PTP4A1: variants seen among roughly 807,000 people sequenced by gnomAD.
PTP4A1 encodes the protein protein tyrosine phosphatase type IVA 1.
In PTP4A1, 9 loss-of-function variants were observed where a neutral mutation model predicts 20.5. The observed-to-expected ratio is 0.44, with a 90% CI of 0.26 to 0.77. The LOEUF is 0.77. Ranked by LOEUF, PTP4A1 falls within the 30% of genes least tolerant of loss-of-function variation. The pLI is 0.19. For synonymous variants in PTP4A1, 78 were observed against 67.4 expected (o/e 1.16, Z -0.77); for missense variants, 137 against 218.8 (o/e 0.63, Z 2.36).
chr6:63,533,613 G>T (rs992858221), intron 2 of PTP4A1, among the ~76,000 whole-genome samples: 1 of 152,050 alleles, frequency 6.6e-6, no homozygotes, highest in African/African-American at 2.4e-5. Context: ...TTATGGCTGA[G>T]GGACTAGAGC....
chr6:63,537,715 A>G (rs1249448600), intron 2 of PTP4A1, among the ~76,000 whole-genome samples: 1 of 152,200 alleles, frequency 6.6e-6, no homozygotes, highest in East Asian at 1.9e-4. Flanking sequence ...AACCATTAAC[A>G]CCCTTGTCAG....
At chr6:63,578,381 TGA>T in intron 2 of PTP4A1, 54 bp from the exon 3 acceptor site, 1 of 1,534,124 alleles carries the variant, frequency 6.5e-7, no homozygotes, top group Non-Finnish European at 8.7e-7. Flanking sequence ...TATAAAATGT[TGA>T]GTTATAGTGA....
chr6:63,547,732 C>T (rs541131941), intron 2 of PTP4A1, among the ~76,000 whole-genome samples: 35 of 146,152 alleles, frequency 2.4e-4, no homozygotes, highest in African/African-American at 7.6e-4. Context: ...AGGATGGTCT[C>T]GATCTCCTGA....
upstream of PTP4A1, among the ~76,000 whole-genome samples, chr6:63,569,158 T>C (rs1777308234): frequency 6.6e-6 from 1 of 152,258 alleles, no homozygotes; most frequent in Non-Finnish European, 1.5e-5. Flanking sequence ...AGATCTGCTG[T>C]TCTTGTGAAG....
chr6:63,557,674 G>A (rs1776748972), intron 3 of PTP4A1, among the ~76,000 whole-genome samples: 1 of 152,086 alleles, frequency 6.6e-6, no homozygotes, highest in Admixed American at 6.5e-5. Context: ...AGAAAATGTG[G>A]CATCTATGTT....
intron 2 of PTP4A1, among the ~76,000 whole-genome samples, chr6:63,528,646 A>C (rs1032862665): frequency 7.9e-5 from 12 of 152,128 alleles, no homozygotes; most frequent in Non-Finnish European, 1.8e-4. Flanking sequence ...CTGTCATCCC[A>C]GCTACTCAGG....
chr6:63,549,309 C>T, intron 2 of PTP4A1: 3 of 753,418 alleles, frequency 4.0e-6, no homozygotes, highest in East Asian at 2.5e-5. Context: ...GAGGATGGCT[C>T]TCTGCCGCTG....
At chr6:63,529,214 T>TGTGTGTATATATATATATG (rs1562112515) in intron 2 of PTP4A1, among the ~76,000 whole-genome samples, 8 of 149,242 alleles carry the variant, frequency 5.4e-5, no homozygotes, top group African/African-American at 2.0e-4. Flanking sequence ...TGTATATATA[T>TGTGTGTATATATATATATG]TTGCTAATAA....
chr6:63,522,259 G>A (rs913854796), intron 1 of PTP4A1, among the ~76,000 whole-genome samples: 4 of 152,052 alleles, frequency 2.6e-5, no homozygotes, highest in Non-Finnish European at 4.4e-5. Context: ...TGTTGTTTCT[G>A]TTACTTATTT....
chr6:63,546,869 T>C (rs1776207118), intron 2 of PTP4A1, among the ~76,000 whole-genome samples: 1 of 152,182 alleles, frequency 6.6e-6, no homozygotes, highest in Non-Finnish European at 1.5e-5. Context: ...TGTAAAGTGA[T>C]AGATATGTTA....
At chr6:63,550,792 T>C (rs1776404760) in intron 3 of PTP4A1, among the ~76,000 whole-genome samples, 1 of 152,032 alleles carries the variant, frequency 6.6e-6, no homozygotes, top group Non-Finnish European at 1.5e-5. Flanking sequence ...GCCCGTCTAA[T>C]TTTTGTGTTT....
At chr6:63,549,996 T>G (rs1434552291) in intron 2 of PTP4A1, among the ~76,000 whole-genome samples, 2 of 152,190 alleles carry the variant, frequency 1.3e-5, no homozygotes, top group African/African-American at 4.8e-5. Context: ...ATGTTTGAGA[T>G]GAGGAACACA....
chr6:63,556,801 T>A (rs1006651726), intron 3 of PTP4A1, among the ~76,000 whole-genome samples: 1 of 152,214 alleles, frequency 6.6e-6, no homozygotes, highest in Non-Finnish European at 1.5e-5. Context: ...TTAATCGACT[T>A]TTACAAGAAA....
chr6:63,554,712 G>A (rs1217484889), intron 3 of PTP4A1, among the ~76,000 whole-genome samples: 2 of 152,278 alleles, frequency 1.3e-5, no homozygotes, highest in East Asian at 3.9e-4. Context: ...CCTTGAACCA[G>A]GGAGGCAGAG....
At chr6:63,578,557 T>A (rs147667507) in intron 3 of PTP4A1, 28 bp downstream of exon 3, 1 of 1,600,190 alleles carries the variant, frequency 6.2e-7, no homozygotes, top group Non-Finnish European at 8.5e-7. Flanking sequence ...CTTATGGGTT[T>A]ATGGTGCTGT....
At chr6:63,535,986 T>G (rs1312891992) in intron 2 of PTP4A1, among the ~76,000 whole-genome samples, 1 of 148,738 alleles carries the variant, frequency 6.7e-6, no homozygotes. Context: ...TTGGCCAGGG[T>G]GGCCTGGAAC....
chr6:63,541,858 T>C (rs913941766), intron 2 of PTP4A1, among the ~76,000 whole-genome samples: 1 of 152,198 alleles, frequency 6.6e-6, no homozygotes, highest in Non-Finnish European at 1.5e-5. Context: ...ACATCATCAA[T>C]ATTTCCCTCT....
At chr6:63,549,128 G>A in intron 2 of PTP4A1, 1 of 686,524 alleles carries the variant, frequency 1.5e-6, no homozygotes, top group Admixed American at 2.2e-5. Flanking sequence ...TAGTGGGGAT[G>A]CCCCCTTTGC....
chr6:63,577,416 CA>C (rs774828123), intron 2 of PTP4A1, among the ~76,000 whole-genome samples: 3 of 151,962 alleles, frequency 2.0e-5, no homozygotes, highest in Non-Finnish European at 2.9e-5. Flanking sequence ...GCTATGTAGC[CA>C]AAACTCTACC....
Sources: allele counts gnomAD v4.1 joint callset (sites outside exome capture counted in the v4.1 genomes callset), GRCh38; gene constraint gnomAD v4.1.1; transcripts MANE v1.5; gene names NCBI Gene and HGNC (gene_info 2026-07-23, HGNC 2026-07-21).